ATP7A: variants seen among roughly 807,000 people sequenced by gnomAD.
ATP7A encodes copper-transporting ATPase 1.
A neutral mutation model predicts 83.5 loss-of-function variants in ATP7A; 7 were observed. That is an observed-to-expected ratio of 0.08 (90% CI 0.05 to 0.16). The LOEUF (loss-of-function observed/expected upper bound fraction) is 0.16. Ranked by LOEUF, ATP7A falls within the 10% of genes least tolerant of loss-of-function variation. The pLI, the probability that ATP7A is intolerant of heterozygous loss-of-function variation, is 1.00. For missense variants in ATP7A, 940 were observed against 1,120.8 expected, an observed-to-expected ratio of 0.84 and a Z score of 2.30; for synonymous variants, 354 against 395.2, an observed-to-expected ratio of 0.90 and a Z score of 1.24.
At chrX:77,954,955 C>T (rs1379825071) in intron 1 of ATP7A, among the ~76,000 whole-genome samples, 1 of 110,309 alleles carries the variant, frequency 9.1e-6, no homozygotes, top group Non-Finnish European at 1.9e-5. Flanking sequence ...TTTTCATTTC[C>T]CATTAAAATG....
At chrX:77,974,293 G>A (rs1255378647) in intron 2 of ATP7A, among the ~76,000 whole-genome samples, 1 of 110,502 alleles carries the variant, frequency 9.0e-6, no homozygotes, top group Non-Finnish European at 1.9e-5. Flanking sequence ...ACAGGCACAT[G>A]CCACCACACC....
chrX:77,953,933 A>G (rs1221904639), intron 1 of ATP7A, among the ~76,000 whole-genome samples: 2 of 112,246 alleles, frequency 1.8e-5, no homozygotes, highest in Non-Finnish European at 3.8e-5. Context: ...AGACACATGC[A>G]GTGCTATAGG....
chrX:77,965,121 A>C (rs1557228537), intron 1 of ATP7A, among the ~76,000 whole-genome samples: 1 of 111,159 alleles, frequency 9.0e-6, no homozygotes, highest in Non-Finnish European at 1.9e-5. Flanking sequence ...TGCTTATTTC[A>C]GTATGAGGAA....
At chrX:78,008,525 GA>G (rs1189354642) in intron 6 of ATP7A, among the ~76,000 whole-genome samples, 1 of 109,299 alleles carries the variant, frequency 9.1e-6, no homozygotes, top group Non-Finnish European at 1.9e-5. Context: ...TCAGCAGGAT[GA>G]AAAAAAAATC....
intron 7 of ATP7A, among the ~76,000 whole-genome samples, chrX:78,009,668 C>T (rs1444342860): frequency 8.9e-6 from 1 of 112,145 alleles, no homozygotes; most frequent in African/African-American, 3.2e-5. Flanking sequence ...ATTTAAAAGA[C>T]TAAACCCAGC....
At chrX:77,969,108 C>T in intron 1 of ATP7A, 1 of 1,211,714 alleles carries the variant, frequency 8.3e-7, no homozygotes, top group Non-Finnish European at 1.1e-6. Flanking sequence ...CACGTTTCCC[C>T]TCCTTGATCT....
intron 17 of ATP7A, 65 bp downstream of exon 17, chrX:78,033,886 C>A (rs1603389779): frequency 1.9e-6 from 2 of 1,048,017 alleles, no homozygotes; most frequent in South Asian, 1.9e-5. Context: ...AACTTTATAA[C>A]CCTGAACTGT....
intron 1 of ATP7A, among the ~76,000 whole-genome samples, chrX:77,941,189 AT>A (rs1410250113): frequency 9.0e-6 from 1 of 111,484 alleles, no homozygotes; most frequent in Non-Finnish European, 1.9e-5. Context: ...GCTCATGAAG[AT>A]GTATATACAA....
chrX:78,006,305 A>T (rs2077774415), intron 6 of ATP7A, among the ~76,000 whole-genome samples: 1 of 112,135 alleles, frequency 8.9e-6, no homozygotes, highest in African/African-American at 3.2e-5. Flanking sequence ...AATGACATGT[A>T]TGCAAAGATG....
intron 1 of ATP7A, among the ~76,000 whole-genome samples, chrX:77,967,594 G>A (rs1223280638): frequency 9.0e-6 from 1 of 111,685 alleles, no homozygotes; most frequent in African/African-American, 3.3e-5. Flanking sequence ...ACTTTTTGAT[G>A]GGGTTGTTTT....
At chrX:77,934,242 C>T (rs138144024) in intron 1 of ATP7A, among the ~76,000 whole-genome samples, 1,506 of 110,223 alleles carry the variant, frequency 0.014, 24 homozygotes, top group African/African-American at 0.048. Flanking sequence ...AGCAAGACCT[C>T]GTCTCTCCTA....
intron 2 of ATP7A, among the ~76,000 whole-genome samples, chrX:77,978,329 A>G (rs1241578868): frequency 9.0e-6 from 1 of 110,950 alleles, no homozygotes; most frequent in Admixed American, 9.7e-5. Context: ...GAATTCTGAT[A>G]TAGGGATGGC....
chrX:77,931,423 A>G (rs2077273872), intron 1 of ATP7A, among the ~76,000 whole-genome samples: 1 of 111,956 alleles, frequency 8.9e-6, no homozygotes, highest in Non-Finnish European at 1.9e-5. Flanking sequence ...CTTTCTACAC[A>G]GACACGGCAA....
chrX:77,980,186 CTT>C (rs1365950089), intron 2 of ATP7A, among the ~76,000 whole-genome samples: 1 of 112,148 alleles, frequency 8.9e-6, no homozygotes, highest in Non-Finnish European at 1.9e-5. Context: ...AGTCCATTCT[CTT>C]AATAGAGACT....
rs2077824731 is a variant in ATP7A at position 78,011,434 on chromosome X, T to C, written c.1947-15T>C. On this transcript the variant is annotated splice_polypyrimidine_tract_variant and intron_variant, in intron 8 of 22. Coordinates refer to ENST00000341514, the MANE Select transcript of ATP7A (RefSeq NM_000052.7). ...TATGACCATGATTTTTCTTTTTTTA[T>C]TTTTTCCATATAAGATGGAGACGGT... The C allele has an allele frequency of 2.5e-6, 3 of 1,199,352 alleles. No homozygotes were observed. The highest frequency in any genetic ancestry group is 4.4e-5 in the Admixed American group (2 of 45,579).
At chrX:77,963,038 C>T in intron 1 of ATP7A, 1 of 212,136 alleles carries the variant, frequency 4.7e-6, no homozygotes, top group South Asian at 6.4e-5. Flanking sequence ...GTTTTCTTGA[C>T]CTTTGTAAAA....
intron 21 of ATP7A, 69 bp downstream of exon 21, chrX:78,043,503 GTCT>G: frequency 1.2e-6 from 1 of 856,003 alleles, no homozygotes; most frequent in Non-Finnish European, 1.7e-6. Context: ...TTGGAAGCCT[GTCT>G]TCTTACTATT....
intron 1 of ATP7A, among the ~76,000 whole-genome samples, chrX:77,927,661 G>C (rs1340864031): frequency 9.0e-6 from 1 of 110,863 alleles, no homozygotes; most frequent in Admixed American, 9.6e-5. Flanking sequence ...TATACTTTAA[G>C]TTCTAGGGTA....
chrX:78,021,192 G>A (rs782653344), intron 14 of ATP7A, 113 bp downstream of exon 14: 77 of 820,936 alleles, frequency 9.4e-5, no homozygotes, highest in Non-Finnish European at 1.2e-4. Flanking sequence ...AAGGTTTGGA[G>A]TGGGAGAGTG....
Sources: allele counts gnomAD v4.1 joint callset (sites outside exome capture counted in the v4.1 genomes callset), GRCh38; gene constraint gnomAD v4.1.1; transcripts MANE v1.5; gene names NCBI Gene and HGNC (gene_info 2026-07-23, HGNC 2026-07-21).